SETBP1: variants seen among roughly 807,000 people sequenced by gnomAD.
SETBP1 encodes the protein SET-binding protein.
Under a neutral mutation model 101.0 loss-of-function variants are expected in SETBP1, and 9 were observed. The observed-to-expected ratio is 0.09, with a 90% confidence interval of 0.05 to 0.16. SETBP1 has a LOEUF of 0.16. SETBP1 is among the 10% of genes least tolerant of loss of function. The pLI is 1.00. For synonymous variants in SETBP1, 818 were observed against 788.5 expected, an observed-to-expected ratio of 1.04 and a Z score of -0.63; for missense variants, 1,858 against 2,033.8, an observed-to-expected ratio of 0.91 and a Z score of 1.66.
At chr18:44,808,698 T>C (rs143892108) in intron 2 of SETBP1, among the ~76,000 whole-genome samples, 1 of 152,176 alleles carries the variant, frequency 6.6e-6, no homozygotes, top group East Asian at 1.9e-4. Context: ...CCAGAGCTTG[T>C]TTCCCCCTCT....
chr18:45,055,407 C>A (rs1022416742), intron 5 of SETBP1, among the ~76,000 whole-genome samples: 1 of 152,206 alleles, frequency 6.6e-6, no homozygotes, highest in African/African-American at 2.4e-5. Context: ...ACATTATATT[C>A]TTAAAATTAT....
chr18:44,920,049 T>C (rs1485860091), intron 3 of SETBP1, among the ~76,000 whole-genome samples: 1 of 152,208 alleles, frequency 6.6e-6, no homozygotes, highest in Non-Finnish European at 1.5e-5. Context: ...CTGGGTAATT[T>C]ATAAGGAACA....
At chr18:44,766,569 G>T (rs537244425) in intron 2 of SETBP1, among the ~76,000 whole-genome samples, 1 of 152,166 alleles carries the variant, frequency 6.6e-6, no homozygotes. Flanking sequence ...TTCTTTTAAC[G>T]TATATAGACT....
intron 2 of SETBP1, among the ~76,000 whole-genome samples, chr18:44,797,616 T>G (rs1371056017): frequency 1.3e-5 from 2 of 152,010 alleles, no homozygotes; most frequent in Non-Finnish European, 2.9e-5. Flanking sequence ...AAATGGTAGC[T>G]CTCTCTTGCG....
intron 4 of SETBP1, among the ~76,000 whole-genome samples, chr18:44,953,938 A>G (rs1462218844): frequency 3.3e-5 from 5 of 152,172 alleles, no homozygotes; most frequent in African/African-American, 1.2e-4. Flanking sequence ...CAGGTCCCTA[A>G]AATGAAAACT....
At chr18:45,001,170 G>A (rs534374080) in intron 4 of SETBP1, among the ~76,000 whole-genome samples, 14 of 152,086 alleles carry the variant, frequency 9.2e-5, no homozygotes, top group Non-Finnish European at 1.6e-4. Flanking sequence ...CATGAATTGG[G>A]ACTGACAGTG....
intron 4 of SETBP1, among the ~76,000 whole-genome samples, chr18:44,973,309 G>C (rs111781458): frequency 1.3e-5 from 2 of 152,272 alleles, no homozygotes; most frequent in African/African-American, 4.8e-5. Flanking sequence ...TTGTATCAAT[G>C]TTCATCAGGG....
rs540264718 is a variant in SETBP1 at position 44,712,486 on chromosome 18, A to C, written c.486+10654A>C. On this transcript the variant is annotated intron_variant, in intron 2 of 5. Transcript: ENST00000649279. ...AACACACAGTACCCCTGCAGAACCA[A>C]CTTAAAGCAGTAGCTCCTCATGGTG... Among the ~76,000 whole-genome samples the C allele has an allele frequency of 1.1e-4, 17 of 152,302 alleles. No homozygotes were observed. The East Asian group carries it at 3.1e-3, about 28-fold the overall frequency.
intron 3 of SETBP1, among the ~76,000 whole-genome samples, chr18:44,891,776 T>A (rs1480033268): frequency 1.3e-5 from 2 of 152,192 alleles, no homozygotes; most frequent in East Asian, 1.9e-4. Flanking sequence ...GCTTCACAAA[T>A]GCCAAACCAT....
In SETBP1 at chr18:44,952,183, G is replaced by A. The variant is rs757169484; in HGVS notation, c.2843G>A (p.Arg948His). ...AGGAAACGGAAAAGCCTGCAAAACC[G>A]CGATGACCTCCAGTTTCTGGCAGAC... The part of the protein sequence containing the change: ...HKRKRKSLQN[R>H]DDLQFLADLE... The change falls in exon 4 of 6, where the codon CGC becomes CAC. Residue 948 changes from arginine (R) to histidine (H), a missense_variant. Physicochemically the swap from Arg to His is conservative, Grantham distance 29. Transcript: ENST00000649279. 51 of 1,614,002 alleles carry A rather than the reference G, an allele frequency of 3.2e-5. 2 individuals are homozygous for A. In the South Asian group the frequency reaches 3.3e-4, roughly 10 times the overall value.
At chr18:44,776,158 T>G (rs540503896) in intron 2 of SETBP1, among the ~76,000 whole-genome samples, 1 of 152,250 alleles carries the variant, frequency 6.6e-6, no homozygotes, top group South Asian at 2.1e-4. Context: ...GGACAGGCAG[T>G]TGAGGCCTGA....
At chr18:44,898,039 A>G (rs1261654657) in intron 3 of SETBP1, among the ~76,000 whole-genome samples, 3 of 152,282 alleles carry the variant, frequency 2.0e-5, no homozygotes, top group Non-Finnish European at 1.5e-5. Flanking sequence ...TAGTGCCCAG[A>G]CTTCTGAGGA....
chr18:44,953,016 T>C lies in SETBP1; in HGVS notation c.3676T>C (p.Phe1226Leu). The C allele has an allele frequency of 6.2e-7, 1 of 1,613,800 alleles. No homozygotes were observed. The highest frequency in any genetic ancestry group is 8.5e-7 in the Non-Finnish European group (1 of 1,179,934). The change falls in exon 4 of 6, where the codon TTT (phenylalanine) becomes CTT (leucine). Residue 1226 changes from phenylalanine to leucine, a missense_variant. Around this residue, in one of 12 missense-constraint regions of SETBP1, gnomAD observed 417 missense variants for 389.1 expected, o/e 1.07. Transcript: ENST00000649279. Reference protein sequence around the residue: ...EAGHKASKNNFEVDTLSTLSL... With the variant: ...EAGHKASKNNLEVDTLSTLSL... ...CGGCCACAAAGCTTCTAAGAACAAC[T>C]TTGAGGTGGACACCCTGTCTACACT...
intron 4 of SETBP1, among the ~76,000 whole-genome samples, chr18:45,033,446 A>G (rs2073337347): frequency 6.6e-6 from 1 of 152,176 alleles, no homozygotes; most frequent in Non-Finnish European, 1.5e-5. Flanking sequence ...AAATAGCATA[A>G]TGCATATCAA....
At chr18:44,821,270 C>A (rs1407018282) in intron 2 of SETBP1, among the ~76,000 whole-genome samples, 2 of 152,196 alleles carry the variant, frequency 1.3e-5, no homozygotes, top group Non-Finnish European at 2.9e-5. Context: ...CTGTCCTCTA[C>A]AGAATTAAAT....
chr18:44,765,261 A>G (rs569799361), intron 2 of SETBP1, among the ~76,000 whole-genome samples: 2 of 139,982 alleles, frequency 1.4e-5, no homozygotes, highest in Middle Eastern at 3.5e-3. Context: ...CCTCTGTAGG[A>G]AAAAAAAAAA....
intron 4 of SETBP1, among the ~76,000 whole-genome samples, chr18:45,017,309 C>G (rs2072968158): frequency 1.3e-5 from 2 of 152,182 alleles, no homozygotes; most frequent in African/African-American, 4.8e-5. Context: ...ACTCCAGACC[C>G]CACCCTCCAG....
chr18:44,938,116 G>A (rs1453178837), intron 3 of SETBP1, among the ~76,000 whole-genome samples: 2 of 152,128 alleles, frequency 1.3e-5, no homozygotes, highest in Non-Finnish European at 2.9e-5. Context: ...CCATGGTCAG[G>A]ACCACTCTGG....
intron 5 of SETBP1, among the ~76,000 whole-genome samples, chr18:45,046,053 C>T (rs1259881741): frequency 6.6e-6 from 1 of 151,120 alleles, no homozygotes; most frequent in Non-Finnish European, 1.5e-5. Flanking sequence ...TCTGTGCCTC[C>T]CTGGCTCCCT....
Sources: allele counts gnomAD v4.1 joint callset (sites outside exome capture counted in the v4.1 genomes callset), GRCh38; gene constraint gnomAD v4.1.1; regional missense constraint gnomAD v4.1.1; transcripts MANE v1.5; gene names NCBI Gene and HGNC (gene_info 2026-07-23, HGNC 2026-07-21).